The following SUSD6 variants were observed in gnomAD, a reference collection of about 807,000 sequenced individuals.
SUSD6 encodes sushi domain-containing protein 6.
Under a neutral mutation model 28.4 loss-of-function variants are expected in SUSD6, and 16 were observed. The ratio of observed to expected loss-of-function variants is 0.56; its 90% CI spans 0.38 to 0.86. The LOEUF is 0.86. SUSD6 is among the 40% of genes least tolerant of loss of function. SUSD6 has a pLI of 0.00. For synonymous variants in SUSD6, 147 were observed against 159.6 expected, an observed-to-expected ratio of 0.92 and a Z score of 0.59; for missense variants, 341 against 384.2, an observed-to-expected ratio of 0.89 and a Z score of 0.94.
At chr14:69,635,970 T>C (rs1885260177) in intron 1 of SUSD6, among the ~76,000 whole-genome samples, 1 of 152,250 alleles carries the variant, frequency 6.6e-6, no homozygotes, top group African/African-American at 2.4e-5. Context: ...GAACTGAGGA[T>C]TGCCAGGGAC....
chr14:69,653,613 C>A (rs1481594778), intron 1 of SUSD6, among the ~76,000 whole-genome samples: 2 of 152,042 alleles, frequency 1.3e-5, no homozygotes, highest in Non-Finnish European at 2.9e-5. Flanking sequence ...GGTTCCTCTT[C>A]AGTGATAATT....
intron 2 of SUSD6, among the ~76,000 whole-genome samples, chr14:69,671,151 G>A (rs1885825924): frequency 6.6e-6 from 1 of 151,748 alleles, no homozygotes; most frequent in South Asian, 2.1e-4. Flanking sequence ...GGAGGAGGAG[G>A]AAGAAGAGAA....
intron 2 of SUSD6, among the ~76,000 whole-genome samples, chr14:69,664,359 G>A (rs1376152391): frequency 1.3e-5 from 2 of 152,232 alleles, no homozygotes; most frequent in East Asian, 3.9e-4. Flanking sequence ...TGCCAAGGTG[G>A]TTCTATTCTT....
At chr14:69,654,399 T>C (rs1402284078) in intron 1 of SUSD6, among the ~76,000 whole-genome samples, 1 of 152,114 alleles carries the variant, frequency 6.6e-6, no homozygotes, top group African/African-American at 2.4e-5. Context: ...TACAATAACC[T>C]GTTAAAGGTA....
intron 1 of SUSD6, among the ~76,000 whole-genome samples, chr14:69,618,638 C>G (rs1884992718): frequency 6.6e-6 from 1 of 152,252 alleles, no homozygotes; most frequent in Non-Finnish European, 1.5e-5. Context: ...ATTCCTGTAT[C>G]TGGAGCCAAG....
chr14:69,669,527 G>A (rs1007068586), intron 2 of SUSD6, among the ~76,000 whole-genome samples: 2 of 152,188 alleles, frequency 1.3e-5, no homozygotes, highest in Non-Finnish European at 2.9e-5. Flanking sequence ...CTTGGGTGGG[G>A]TTTGGCTTCA....
At chr14:69,671,996 G>A (rs1029640377) in intron 2 of SUSD6, among the ~76,000 whole-genome samples, 2 of 152,212 alleles carry the variant, frequency 1.3e-5, no homozygotes, top group African/African-American at 2.4e-5. Context: ...TAAAAGTCCC[G>A]GGTAAACAAT....
intron 2 of SUSD6, among the ~76,000 whole-genome samples, chr14:69,663,236 C>G (rs980314938): frequency 3.9e-5 from 6 of 152,324 alleles, no homozygotes; most frequent in Admixed American, 2.0e-4. Context: ...AGCTTATTTA[C>G]TAAACAAACT....
At chr14:69,646,007 C>G (rs1270731356) in intron 1 of SUSD6, among the ~76,000 whole-genome samples, 1 of 152,164 alleles carries the variant, frequency 6.6e-6, no homozygotes, top group Admixed American at 6.5e-5. Context: ...GCCTTGGCCT[C>G]CCAAAGTGCT....
At chr14:69,640,754 T>C (rs1318927170) in intron 1 of SUSD6, among the ~76,000 whole-genome samples, 1 of 152,218 alleles carries the variant, frequency 6.6e-6, no homozygotes, top group Non-Finnish European at 1.5e-5. Flanking sequence ...TAACTCCTTA[T>C]TTTTTATTTC....
At chr14:69,616,356 A>C (rs1340000500) in intron 1 of SUSD6, among the ~76,000 whole-genome samples, 1 of 152,216 alleles carries the variant, frequency 6.6e-6, no homozygotes, top group Non-Finnish European at 1.5e-5. Context: ...CAGAAATTTA[A>C]GATTAGAGTG....
intron 2 of SUSD6, among the ~76,000 whole-genome samples, chr14:69,688,654 A>T (rs993958001): frequency 6.6e-6 from 1 of 152,160 alleles, no homozygotes; most frequent in African/African-American, 2.4e-5. Context: ...AAGCATGATG[A>T]ATCTGCACTG....
At chr14:69,703,656 C>T in intron 3 of SUSD6, 64 bp downstream of exon 3, 1 of 1,464,026 alleles carries the variant, frequency 6.8e-7, no homozygotes, top group Non-Finnish European at 9.5e-7. Flanking sequence ...TCACAGGATG[C>T]AAAGCATGCT....
intron 1 of SUSD6, among the ~76,000 whole-genome samples, chr14:69,626,963 G>A (rs1210202573): frequency 6.6e-6 from 1 of 151,982 alleles, no homozygotes; most frequent in African/African-American, 2.4e-5. Context: ...GGGATTACAG[G>A]CATGAGCCAC....
chr14:69,690,459 C>A (rs1325174915), intron 2 of SUSD6, among the ~76,000 whole-genome samples: 1 of 152,104 alleles, frequency 6.6e-6, no homozygotes, highest in Non-Finnish European at 1.5e-5. Flanking sequence ...AATGTGGCTT[C>A]CTCAGAGAAA....
chr14:69,655,621 A>G (rs1370487452), intron 1 of SUSD6, among the ~76,000 whole-genome samples: 2 of 151,872 alleles, frequency 1.3e-5, no homozygotes, highest in Non-Finnish European at 2.9e-5. Flanking sequence ...ACATAGTGAG[A>G]CATCCTCTCT....
At chr14:69,676,850 G>C (rs1885917438) in intron 2 of SUSD6, among the ~76,000 whole-genome samples, 1 of 152,242 alleles carries the variant, frequency 6.6e-6, no homozygotes, top group Non-Finnish European at 1.5e-5. Context: ...CTGAAGAGAA[G>C]AACCGAAAGG....
chr14:69,713,795 AAG>A lies in SUSD6; in HGVS notation c.*2819_*2820del, dbSNP rs1422196096. 2.6e-5 allele frequency: 4 copies of A among 152,034 alleles called. No homozygotes were observed. The highest frequency in any genetic ancestry group is 9.7e-5 in the African/African-American group (4 of 41,356). 9.4% of individuals were successfully genotyped at this position (152,034 alleles called of 1,614,324 possible). A position where few individuals can be genotyped will look rare whatever the true frequency, so the allele number is the denominator to read the frequency against. The stretch of plus-strand genomic sequence containing the variant: ...ATGGCCAGCACCAAAGGACATTTAA[AAG>A]AGTTTTTGGGTTTTTTTGTTTGTTT... On this transcript the variant is annotated 3_prime_UTR_variant, in exon 6 of 6. Coordinates refer to ENST00000342745, the MANE Select transcript of SUSD6 (RefSeq NM_014734.4).
chr14:69,619,772 A>AAAAC (rs535464461), intron 1 of SUSD6, among the ~76,000 whole-genome samples: 30 of 152,008 alleles, frequency 2.0e-4, no homozygotes, highest in African/African-American at 6.8e-4. Flanking sequence ...ACCCTGTCTC[A>AAAAC]AAACAAACAA....
Sources: allele counts gnomAD v4.1 joint callset (sites outside exome capture counted in the v4.1 genomes callset), GRCh38; gene constraint gnomAD v4.1.1; transcripts MANE v1.5; gene names NCBI Gene and HGNC (gene_info 2026-07-23, HGNC 2026-07-21).